MBD6: variants seen among roughly 807,000 people sequenced by gnomAD.
MBD6 encodes the protein methyl-CpG-binding domain protein 6.
A neutral mutation model predicts 66.8 loss-of-function variants in MBD6; 22 were observed. The observed-to-expected ratio is 0.33, with a 90% confidence interval of 0.24 to 0.47. The LOEUF is 0.47. Among genes scored for constraint, MBD6 ranks in the 20% least tolerant of loss-of-function variants. The pLI is 1.00. For synonymous variants in MBD6, 540 were observed against 534.6 expected (o/e 1.01, Z -0.14); for missense variants, 1,322 against 1,286.9 (o/e 1.03, Z -0.42).
At position 57,529,225 on chromosome 12, in the gene MBD6, G is replaced by A. The variant is rs1360895845; in HGVS notation, c.3003G>A (p.Leu1001=). The A allele has an allele frequency of 6.2e-7, 1 of 1,614,074 alleles. No individual in the cohort carries two copies. Among genetic ancestry groups the A allele is most frequent in the Non-Finnish European group, 8.5e-7 (1 of 1,180,004 alleles). Residue 1001 remains leucine (L), a synonymous_variant, in exon 13 of 13, where the codon CTG becomes CTA. Transcript: ENST00000355673. ...CTGCCAAAAACAAGAGGAGGAAACT[G>A]GCCCCATAGCAGCCATACCTGGAGC... The part of the protein sequence containing the change: ...GRPAKNKRRK[L]AP
Position 57,528,940 on chromosome 12 carries a change from T to C in MBD6, c.2874-6T>C. The stretch of plus-strand genomic sequence containing the variant: ...TGTTCCTGATCATCTGTGCCCCTTA[T>C]TGCAGCCCTACCCGGAACAGCAATA... On this transcript the variant is annotated splice_polypyrimidine_tract_variant and splice_region_variant and intron_variant, in intron 11 of 12. Coordinates refer to ENST00000355673, the MANE Select transcript of MBD6 (RefSeq NM_052897.4). The C allele has an allele frequency of 6.2e-7, 1 of 1,614,168 alleles. No individual in the cohort carries two copies. Among genetic ancestry groups the C allele is most frequent in the Non-Finnish European group, 8.5e-7 (1 of 1,180,030 alleles).
At chr12:57,531,287 C>T (rs1404730570), downstream of MBD6, among the ~76,000 whole-genome samples, 5 of 151,940 alleles carry the variant, frequency 3.3e-5, no homozygotes, top group South Asian at 2.1e-4. Context: ...TTTGGGAGGC[C>T]GAGATGGGTG....
In MBD6 at chr12:57,529,387, T is replaced by A; in HGVS notation, c.*153T>A. The A allele has an allele frequency of 1.7e-6, 1 of 579,244 alleles. No homozygotes were observed. Among genetic ancestry groups the A allele is most frequent in the Non-Finnish European group, 3.0e-6 (1 of 337,402 alleles). The allele number at this position is 579,244 out of a possible 1,614,324, so 35.9% of individuals were successfully genotyped here. A position where few individuals can be genotyped will look rare whatever the true frequency, so the allele number is the denominator to read the frequency against. On this transcript the variant is annotated 3_prime_UTR_variant, in exon 13 of 13. Transcript: ENST00000355673. ...TGCAACTCCTTCCCCTACAATCCCA[T>A]CCTGAGCCATTGCAGGGGGCAGGGA...
intron 1 of MBD6, chr12:57,523,407 C>G (rs931598659): frequency 1.3e-5 from 2 of 152,214 alleles, no homozygotes; most frequent in Non-Finnish European, 2.9e-5. Context: ...GGAGGACAGG[C>G]TCTCTTGGAG....
upstream of MBD6, chr12:57,521,000 C>G (rs1878294352): frequency 6.5e-6 from 1 of 152,766 alleles, no homozygotes; most frequent in Admixed American, 6.5e-5. Flanking sequence ...TTGTCTCCCC[C>G]AGAAGCTGCT....
At position 57,526,017 on chromosome 12, in the gene MBD6, C is replaced by G; in HGVS notation, c.1049C>G (p.Ala350Gly). The stretch of plus-strand genomic sequence containing the variant: ...CAGGGCCGAAGGCCCCGTGCCCAGG[C>G]ACCCTCAGCTTCCCACTCCTCATCA... ...TLQGRRPRAQ[A>G]PSASHSSSLR... The change falls in exon 6 of 13, where the codon GCA becomes GGA. Residue 350 changes from alanine to glycine, a missense_variant. Ala to Gly is a moderately conservative substitution (Grantham distance 60). Transcript: ENST00000355673. The G allele has an allele frequency of 1.9e-6, 3 of 1,613,974 alleles. No individual in the cohort carries two copies. Among genetic ancestry groups the G allele is most frequent in the Non-Finnish European group, 2.5e-6 (3 of 1,179,978 alleles).
chr12:57,526,774 C>G lies in MBD6; in HGVS notation c.1629C>G (p.Leu543=). The G allele has an allele frequency of 6.3e-7, 1 of 1,598,506 alleles. No individual in the cohort carries two copies. The highest frequency in any genetic ancestry group is 8.5e-7 in the Non-Finnish European group (1 of 1,170,108). The change falls in exon 7 of 13, where the codon CTC becomes CTG. Residue 543 remains leucine, a synonymous_variant. Transcript: ENST00000355673. The part of the protein sequence containing the change: ...GFPGMLGALP[L]PLSLGQPPPS... ...CTGGGATGCTTGGGGCCTTGCCTCT[C>G]CCTCTGAGTCTGGGGCAGCCTCCAC... is the stretch of plus-strand genomic sequence containing the variant.
chr12:57,530,759 C>A (rs746028213), downstream of MBD6: 1 of 1,613,844 alleles, frequency 6.2e-7, no homozygotes, highest in South Asian at 1.1e-5. Context: ...CAGGTTTTCA[C>A]GCATGGTTGT....
rs201622745 is a variant in MBD6 at position 57,527,582 on chromosome 12, T to G, written c.2158T>G (p.Ser720Ala). 62 of 1,613,788 alleles carry G rather than the reference T, an allele frequency of 3.8e-5. No individual in the cohort carries two copies. In the South Asian group the frequency reaches 4.2e-4, roughly 11 times the overall value. Residue 720 changes from serine to alanine, a missense_variant, in exon 8 of 13, where the codon TCC (serine) becomes GCC (alanine). Ser to Ala is a moderately conservative substitution (Grantham distance 99). Coordinates refer to ENST00000355673, the MANE Select transcript of MBD6 (RefSeq NM_052897.4). ...VTTATTDPGA[S>A]SLGKAPSNSG... Reference sequence around the variant, plus strand: ...CACGGCAACTACTGACCCGGGGGCCTCCTCTCTGGGCAAGGCCCCCTCCAA... The same window carrying G: ...CACGGCAACTACTGACCCGGGGGCCGCCTCTCTGGGCAAGGCCCCCTCCAA...
chr12:57,527,198 C>T lies in MBD6; in HGVS notation c.2053C>T (p.Leu685=), dbSNP rs374013830. Residue 685 remains leucine, a synonymous_variant, in exon 7 of 13, where the codon CTG becomes TTG. Coordinates refer to ENST00000355673, the MANE Select transcript of MBD6 (RefSeq NM_052897.4). ...AAATTCTGCGCTGCTGGCTGCCACC[C>T]TGGATCCCCCCTCGGGGACACCCCC... ...ALNSALLAAT[L]DPPSGTPPQP... is the part of the protein sequence containing the mutation. 394 of 1,515,754 alleles carry T rather than the reference C, an allele frequency of 2.6e-4. No homozygotes were observed. In the African/African-American group the frequency reaches 5.1e-3, roughly 20 times the overall value. The allele number at this position is 1,515,754 out of a possible 1,614,324, so 93.9% of individuals were successfully genotyped here.
At chr12:57,528,050 TA>T in intron 9 of MBD6, 33 bp downstream of exon 9, 1 of 1,528,620 alleles carries the variant, frequency 6.5e-7, no homozygotes, top group African/African-American at 1.4e-5. Context: ...GTCAGGGAGA[TA>T]ATTTTTTCTC....
rs751754663 is a variant in MBD6, at chr12:57,527,098, G to A, written c.1953G>A (p.Glu651=). The A allele has an allele frequency of 6.3e-7, 1 of 1,595,966 alleles. No homozygotes were observed. Among genetic ancestry groups the A allele is most frequent in the Non-Finnish European group, 8.6e-7 (1 of 1,169,156 alleles). ...SAEGAGGPSG[E]PFSGLGDLSP... is the part of the protein sequence containing the mutation. The stretch of plus-strand genomic sequence containing the variant: ...AGGGAGCCGGGGGTCCAAGTGGGGA[G>A]CCATTTTCAGGCTTGGGAGACCTGT... Residue 651 remains glutamate, a synonymous_variant, in exon 7 of 13, where the codon GAG becomes GAA. Transcript: ENST00000355673.
rs150028492 is a variant in MBD6, at chr12:57,526,125, G to A, written c.1157G>A (p.Arg386Gln). The stretch of plus-strand genomic sequence containing the variant: ...GGGAGAGGCCCTCAAACCCCTAGAC[G>A]GAGCCGTCCTCGGGCCCCTGCTCCT... ...LEGRGPQTPR[R>Q]SRPRAPAPVP... Residue 386 changes from arginine to glutamine, a missense_variant, in exon 6 of 13, where the codon CGG becomes CAG. Transcript: ENST00000355673. The A allele has an allele frequency of 6.8e-6, 11 of 1,613,844 alleles. No homozygotes were observed. Among genetic ancestry groups the A allele is most frequent in the African/African-American group, 6.7e-5 (5 of 74,828 alleles).
At chr12:57,522,601 T>TGGG (rs1211746890), upstream of MBD6, 1 of 64,784 alleles carries the variant, frequency 1.5e-5, no homozygotes, top group African/African-American at 6.0e-5. Context: ...TGGGGATTAA[T>TGGG]GGGGGGTTGT....
chr12:57,526,816 CCA>C lies in MBD6; in HGVS notation c.1674_1675del (p.His558GlnfsTer16), dbSNP rs929416597. On this transcript the variant is annotated frameshift_variant, in exon 7 of 13. Transcript: ENST00000355673. LOFTEE classifies it high-confidence loss of function. ...GQPPPSPLLN[H>X]SLFGVLTGGG... Reference sequence around the variant, plus strand: ...AGCCTCCACCTTCTCCATTGCTCAACCACAGTTTATTTGGTGTGCTGACTGGG... The same window carrying C: ...AGCCTCCACCTTCTCCATTGCTCAACCAGTTTATTTGGTGTGCTGACTGGG... 6.2e-7 allele frequency: 1 copy of C among 1,612,844 alleles called. No individual in the cohort carries two copies. Among genetic ancestry groups the C allele is most frequent in the Non-Finnish European group, 8.5e-7 (1 of 1,179,268 alleles).
At position 57,528,930 on chromosome 12, in the gene MBD6, G is replaced by A. The variant is rs756161982; in HGVS notation, c.2874-16G>A. ...GCTTGGGAGCTGTTCCTGATCATCT[G>A]TGCCCCTTATTGCAGCCCTACCCGG... On this transcript the variant is annotated splice_polypyrimidine_tract_variant and intron_variant, in intron 11 of 12. Transcript: ENST00000355673. The A allele has an allele frequency of 6.2e-6, 10 of 1,614,108 alleles. No homozygotes were observed. Among genetic ancestry groups the A allele is most frequent in the Non-Finnish European group, 7.6e-6 (9 of 1,180,018 alleles).
rs778665988 is a variant in MBD6, at chr12:57,526,615, T to A, written c.1470T>A (p.Pro490=). The A allele has an allele frequency of 1.3e-6, 2 of 1,513,244 alleles. No individual in the cohort carries two copies. The highest frequency in any genetic ancestry group is 2.7e-5 in the South Asian group (2 of 74,078). 93.7% of individuals were successfully genotyped at this position (1,513,244 alleles called of 1,614,324 possible). ...AASKAPVVPS[P]VLQSPSEGLG... ...CCAAAGCCCCAGTAGTCCCCAGCCC[T>A]GTGCTTCAAAGCCCATCCGAAGGAC... Residue 490 remains proline (P), a synonymous_variant, in exon 7 of 13, where the codon CCT becomes CCA. Coordinates refer to ENST00000355673, the MANE Select transcript of MBD6 (RefSeq NM_052897.4).
Position 57,529,235 on chromosome 12 carries a change from C to T in MBD6, c.*1C>T. 6.2e-7 allele frequency: 1 copy of T among 1,614,088 alleles called. No individual in the cohort carries two copies. The highest frequency in any genetic ancestry group is 1.7e-5 in the Admixed American group (1 of 60,022). On this transcript the variant is annotated 3_prime_UTR_variant, in exon 13 of 13. Coordinates refer to ENST00000355673, the MANE Select transcript of MBD6 (RefSeq NM_052897.4). The stretch of plus-strand genomic sequence containing the variant: ...CAAGAGGAGGAAACTGGCCCCATAG[C>T]AGCCATACCTGGAGCTGGATCTGAC...
At chr12:57,524,515 C>A in intron 3 of MBD6, 99 bp downstream of exon 3, 1 of 1,171,916 alleles carries the variant, frequency 8.5e-7, no homozygotes, top group Non-Finnish European at 1.2e-6. Flanking sequence ...TACCCGATTG[C>A]TCTCCTCTCT....
Sources: gnomAD v4.1 joint callset for allele counts (sites outside exome capture counted in the v4.1 genomes callset) on GRCh38, gnomAD v4.1.1 for gene constraint, MANE v1.5 for transcripts, NCBI Gene and HGNC (gene_info 2026-07-23, HGNC 2026-07-21) for gene names.